EPRS1: variants seen among roughly 807,000 people sequenced by gnomAD.
EPRS1 encodes the protein bifunctional glutamate/proline--tRNA ligase.
Under a neutral mutation model 188.3 loss-of-function variants are expected in EPRS1, and 107 were observed. That is an observed-to-expected ratio of 0.57 (90% confidence interval 0.49 to 0.67). EPRS1 has a LOEUF of 0.67. Ranked by LOEUF, EPRS1 falls within the 30% of genes least tolerant of loss-of-function variation. EPRS1 has a pLI of 0.00. For missense variants in EPRS1, 1,577 were observed against 1,802.2 expected, an observed-to-expected ratio of 0.88 and a Z score of 2.26; for synonymous variants, 596 against 593.1, an observed-to-expected ratio of 1.00 and a Z score of -0.07.
chr1:219,971,905 TAATTA>T (rs1332949511), intron 30 of EPRS1, among the ~76,000 whole-genome samples, 159 bp downstream of exon 30: 1 of 149,388 alleles, frequency 6.7e-6, no homozygotes, highest in East Asian at 1.9e-4. Flanking sequence ...AAAGACTATA[TAATTA>T]GATTATATAT....
chr1:219,983,525 G>T (rs139075170), intron 21 of EPRS1, 127 bp from the exon 22 acceptor site: 12 of 647,212 alleles, frequency 1.9e-5, no homozygotes, highest in Non-Finnish European at 3.2e-5. Flanking sequence ...CTTAATGTGG[G>T]AGGTCATAAT....
chr1:219,983,502 T>G, intron 21 of EPRS1, 104 bp from the exon 22 acceptor site: 2 of 723,284 alleles, frequency 2.8e-6, no homozygotes, highest in Non-Finnish European at 4.6e-6. Context: ...GCTTCTACTG[T>G]TGATAACATC....
chr1:219,970,668 C>A (rs1248443780), intron 30 of EPRS1, among the ~76,000 whole-genome samples: 2 of 151,628 alleles, frequency 1.3e-5, no homozygotes, highest in African/African-American at 4.8e-5. Flanking sequence ...ATCCCAGCCA[C>A]GTGGAAGGCT....
intron 9 of EPRS1, among the ~76,000 whole-genome samples, chr1:220,020,824 T>TTTTATA (rs1661859194): frequency 9.2e-6 from 1 of 109,276 alleles, no homozygotes; most frequent in Admixed American, 9.9e-5. Flanking sequence ...CAATTTGAAT[T>TTTTATA]TATATATATA....
intron 1 of EPRS1, among the ~76,000 whole-genome samples, chr1:220,042,765 C>T (rs957343305): frequency 6.6e-6 from 1 of 151,478 alleles, no homozygotes; most frequent in Non-Finnish European, 1.5e-5. Context: ...ACTAAAAATA[C>T]AAAAAATTAG....
rs778075883 is a variant in EPRS1 at position 220,040,213 on chromosome 1, C to T, written c.103G>A (p.Gly35Arg). The part of the protein sequence containing the change: ...KDDVSISVEE[G>R]KENILHVSEN... ...GAAACATGAAGAATATTCTCTTTCC[C>T]TTCTTCAACGGAAATGCTGACATCG... is the stretch of plus-strand genomic sequence containing the variant. The change falls in exon 2 of 32, where the codon GGG becomes AGG. Residue 35 changes from glycine (G) to arginine (R), a missense_variant. Transcript: ENST00000366923. 1 of 1,605,880 alleles carries T rather than the reference C, an allele frequency of 6.2e-7. No homozygotes were observed. Among genetic ancestry groups the T allele is most frequent in the South Asian group, 1.1e-5 (1 of 90,446 alleles).
At chr1:220,011,890 A>G (rs940829604) in intron 12 of EPRS1, among the ~76,000 whole-genome samples, 5 of 152,234 alleles carry the variant, frequency 3.3e-5, no homozygotes, top group African/African-American at 1.2e-4. Flanking sequence ...ATGTAGATGA[A>G]AGCAGAGTCA....
rs541721751 is a variant in EPRS1 at position 220,024,083 on chromosome 1, C to T, written c.943+181G>A. Among the ~76,000 whole-genome samples, 4 of 152,142 alleles carry T rather than the reference C, an allele frequency of 2.6e-5. No homozygotes were observed. The East Asian group carries it at 5.8e-4, about 22-fold the overall frequency. ...AGAAGAATCACTTGAACCTGGGAGGCGGAGGTTGCAGTGAGCCGAGATCGC... is the reference window on the plus strand; with the variant it reads ...AGAAGAATCACTTGAACCTGGGAGGTGGAGGTTGCAGTGAGCCGAGATCGC... On this transcript the variant is annotated intron_variant, in intron 8 of 31. Coordinates refer to ENST00000366923, the MANE Select transcript of EPRS1 (RefSeq NM_004446.3).
chr1:219,994,227 G>A (rs530858968), intron 18 of EPRS1, among the ~76,000 whole-genome samples: 12 of 152,224 alleles, frequency 7.9e-5, no homozygotes, highest in Admixed American at 3.9e-4. Flanking sequence ...TCCCAAAGCT[G>A]CACACATTAG....
chr1:220,005,325 C>T lies in EPRS1; in HGVS notation c.1986G>A (p.Lys662=). 1 of 1,597,128 alleles carries T rather than the reference C, an allele frequency of 6.3e-7. No individual in the cohort carries two copies. The highest frequency in any genetic ancestry group is 8.5e-7 in the Non-Finnish European group (1 of 1,171,050). ...GTATAATATCTCCTTTTTTCAAATC[C>T]TTAAGGCAGGGATCCCCTAGCATTA... is the stretch of plus-strand genomic sequence containing the variant. ...EELMLGDPCL[K]DLKKGDIIQL... The change falls in exon 16 of 32, where the codon AAG becomes AAA. Residue 662 remains lysine (K), a synonymous_variant. Coordinates refer to ENST00000366923, the MANE Select transcript of EPRS1 (RefSeq NM_004446.3).
chr1:219,981,334 A>AT, intron 24 of EPRS1, 44 bp downstream of exon 24: 1 of 1,260,966 alleles, frequency 7.9e-7, no homozygotes, highest in Non-Finnish European at 1.1e-6. Flanking sequence ...AAAAAAAAAA[A>AT]GAACATGAAT....
chr1:219,969,458 G>T (rs1466530673), intron 30 of EPRS1, among the ~76,000 whole-genome samples: 1 of 151,844 alleles, frequency 6.6e-6, no homozygotes, highest in Non-Finnish European at 1.5e-5. Flanking sequence ...TTCAAACCTG[G>T]ACTACACCTG....
At chr1:220,014,279 G>T (rs56137112) in intron 12 of EPRS1, among the ~76,000 whole-genome samples, 31 of 151,814 alleles carry the variant, frequency 2.0e-4, no homozygotes, top group Non-Finnish European at 3.2e-4. Context: ...AGTGAGCCGA[G>T]ATCACGCCAC....
intron 23 of EPRS1, among the ~76,000 whole-genome samples, 158 bp from the exon 24 acceptor site, chr1:219,981,615 A>C (rs1273620672): frequency 1.3e-5 from 2 of 152,268 alleles, no homozygotes; most frequent in Non-Finnish European, 2.9e-5. Flanking sequence ...TCCAATGTTT[A>C]TAATAAGTGA....
At chr1:219,996,659 C>A (rs1175706311) in intron 18 of EPRS1, among the ~76,000 whole-genome samples, 5 of 152,132 alleles carry the variant, frequency 3.3e-5, no homozygotes, top group Non-Finnish European at 7.3e-5. Flanking sequence ...TTTTAAATAT[C>A]CTTTATAAAT....
chr1:220,026,034 C>A (rs1381906592), intron 6 of EPRS1, among the ~76,000 whole-genome samples: 1 of 152,138 alleles, frequency 6.6e-6, no homozygotes, highest in African/African-American at 2.4e-5. Flanking sequence ...ACCTCGTGAT[C>A]CGCCTGCCTT....
chr1:220,006,327 T>G lies in EPRS1; in HGVS notation c.1743-14A>C. The G allele has an allele frequency of 7.4e-7, 1 of 1,353,748 alleles. No individual in the cohort carries two copies. The highest frequency in any genetic ancestry group is 1.0e-6 in the Non-Finnish European group (1 of 992,232). The allele number at this position is 1,353,748 out of a possible 1,614,324, so 83.9% of individuals were successfully genotyped here. On this transcript the variant is annotated splice_polypyrimidine_tract_variant and intron_variant, in intron 14 of 31. Transcript: ENST00000366923. ...CCATCTGCATTTCTAGATATAAGAT[T>G]AAAAGTATTCAAAGAAATATTAACC... is the stretch of plus-strand genomic sequence containing the variant.
chr1:220,031,439 G>A (rs1297448459), intron 5 of EPRS1, among the ~76,000 whole-genome samples: 2 of 152,178 alleles, frequency 1.3e-5, no homozygotes, highest in African/African-American at 4.8e-5. Flanking sequence ...TCAACAAAGT[G>A]CAGTAGCACT....
intron 13 of EPRS1, 153 bp from the exon 14 acceptor site, chr1:220,007,491 C>T (rs2270709): frequency 0.12 from 71,307 of 604,570 alleles, 8,542 homozygotes; most frequent in East Asian, 0.39. Context: ...GAAGAAAATG[C>T]TTTACTCTTT....
Sources: gnomAD v4.1 joint callset for allele counts (sites outside exome capture counted in the v4.1 genomes callset) on GRCh38, gnomAD v4.1.1 for gene constraint, MANE v1.5 for transcripts, NCBI Gene and HGNC (gene_info 2026-07-23, HGNC 2026-07-21) for gene names.